The following SLCO1A2 variants were observed in gnomAD, a reference collection of about 807,000 sequenced individuals.
The protein encoded by SLCO1A2 is OATP-1.
In SLCO1A2, 67 loss-of-function variants were observed where a neutral mutation model predicts 69.0. That is an observed-to-expected ratio of 0.97 (90% CI 0.80 to 1.19). The LOEUF (loss-of-function observed/expected upper bound fraction) is 1.19, where lower values mean the gene tolerates loss of function less well. Among genes scored for constraint, SLCO1A2 ranks in the 50% most tolerant of loss-of-function variants. The pLI is 0.00. For synonymous variants in SLCO1A2, 260 were observed against 265.9 expected (o/e 0.98, Z 0.22); for missense variants, 787 against 793.7 (o/e 0.99, Z 0.10).
At chr12:21,387,505 A>G (rs781411089) in intron 1 of SLCO1A2, among the ~76,000 whole-genome samples, 1 of 152,174 alleles carries the variant, frequency 6.6e-6, no homozygotes, top group Non-Finnish European at 1.5e-5. Flanking sequence ...GCTTGGCTTC[A>G]GAGGATGCAA....
At position 21,313,943 on chromosome 12, in the gene SLCO1A2, G is replaced by A. The variant is rs566812212; in HGVS notation, c.335+606C>T. 6.9e-4 allele frequency among the ~76,000 whole-genome samples: 103 copies of A among 148,942 alleles called. 1 individual carries two copies. Among genetic ancestry groups the A allele is most frequent in the Non-Finnish European group, 1.2e-3 (81 of 67,460 alleles). ...CACACCACTGCACTCCAGCCTAGGT[G>A]ACAGAGCAAGACTGTCTCAAAAAAA... On this transcript the variant is annotated intron_variant, in intron 4 of 14. Coordinates refer to ENST00000683939, the MANE Select transcript of SLCO1A2 (RefSeq NM_001386879.1).
chr12:21,307,478 A>C (rs1565488341), intron 4 of SLCO1A2, among the ~76,000 whole-genome samples: 1 of 152,200 alleles, frequency 6.6e-6, no homozygotes, highest in Admixed American at 6.5e-5. Context: ...CGTTTCATAA[A>C]CCCCTAAAAA....
chr12:21,375,331 A>G (rs572523228), intron 1 of SLCO1A2, among the ~76,000 whole-genome samples: 2 of 152,312 alleles, frequency 1.3e-5, no homozygotes, highest in South Asian at 4.1e-4. Context: ...TAAAGGGAGT[A>G]TGATTTGTCA....
chr12:21,358,593 G>C (rs1341850385), intron 2 of SLCO1A2, among the ~76,000 whole-genome samples: 1 of 151,872 alleles, frequency 6.6e-6, no homozygotes, highest in East Asian at 1.9e-4. Flanking sequence ...AGATAATTTT[G>C]TGTCTTATAT....
intron 2 of SLCO1A2, among the ~76,000 whole-genome samples, chr12:21,364,156 C>T (rs1487404171): frequency 6.6e-6 from 1 of 152,232 alleles, no homozygotes; most frequent in Admixed American, 6.5e-5. Context: ...CAATAAAATA[C>T]TGGCAAACCG....
At chr12:21,284,519 A>G (rs1240600306) in intron 12 of SLCO1A2, among the ~76,000 whole-genome samples, 1 of 151,612 alleles carries the variant, frequency 6.6e-6, no homozygotes, top group Non-Finnish European at 1.5e-5. Flanking sequence ...ATAGACATCT[A>G]CAGAATTCTC....
intron 3 of SLCO1A2, among the ~76,000 whole-genome samples, chr12:21,317,498 A>G (rs976837166): frequency 6.6e-6 from 1 of 152,070 alleles, no homozygotes; most frequent in Non-Finnish European, 1.5e-5. Flanking sequence ...CTGTCCCTGT[A>G]AGACCTTGTA....
At chr12:21,350,275 T>A (rs1937830078) in intron 2 of SLCO1A2, among the ~76,000 whole-genome samples, 1 of 151,398 alleles carries the variant, frequency 6.6e-6, no homozygotes, top group Non-Finnish European at 1.5e-5. Flanking sequence ...AAGAAAAAAA[T>A]TGACAAGAGA....
intron 1 of SLCO1A2, among the ~76,000 whole-genome samples, chr12:21,409,960 G>A (rs188963721): frequency 6.6e-6 from 1 of 152,242 alleles, no homozygotes; most frequent in Non-Finnish European, 1.5e-5. Context: ...TTAAAATGTG[G>A]AAAGTAAGCT....
At chr12:21,398,760 C>T (rs1217656476), upstream of SLCO1A2, among the ~76,000 whole-genome samples, 5 of 148,306 alleles carry the variant, frequency 3.4e-5, no homozygotes, top group African/African-American at 1.2e-4. Flanking sequence ...ATAAACAGAG[C>T]CAAAGACAAA....
chr12:21,393,313 C>G (rs1261521369), intron 1 of SLCO1A2, among the ~76,000 whole-genome samples: 4 of 152,106 alleles, frequency 2.6e-5, no homozygotes, highest in Non-Finnish European at 5.9e-5. Flanking sequence ...CAAAAGCAAT[C>G]TAGGTAACAA....
intron 1 of SLCO1A2, among the ~76,000 whole-genome samples, chr12:21,401,570 T>A (rs1172064579): frequency 1.3e-5 from 2 of 151,876 alleles, no homozygotes; most frequent in Admixed American, 6.6e-5. Context: ...ATAATTTTAT[T>A]GAGATACTAA....
chr12:21,287,613 A>C (rs1228899429), intron 12 of SLCO1A2, among the ~76,000 whole-genome samples: 1 of 137,988 alleles, frequency 7.2e-6, no homozygotes, highest in Non-Finnish European at 1.6e-5. Flanking sequence ...AACCAACCCA[A>C]ATGTTCAACA....
chr12:21,283,232 T>C (rs1304080418), intron 12 of SLCO1A2, among the ~76,000 whole-genome samples: 2 of 152,024 alleles, frequency 1.3e-5, no homozygotes, highest in South Asian at 4.1e-4. Context: ...CATAGACCAA[T>C]GGAGCAGAAT....
At chr12:21,380,151 C>A (rs1231121913) in intron 1 of SLCO1A2, among the ~76,000 whole-genome samples, 1 of 151,948 alleles carries the variant, frequency 6.6e-6, no homozygotes, top group Non-Finnish European at 1.5e-5. Context: ...ATAGGTATAA[C>A]AAAATATGTA....
chr12:21,326,777 A>G (rs905286800), intron 2 of SLCO1A2, among the ~76,000 whole-genome samples: 1 of 152,236 alleles, frequency 6.6e-6, no homozygotes, highest in Non-Finnish European at 1.5e-5. Flanking sequence ...TCTTAAGAGC[A>G]TTCAGTTTTA....
At chr12:21,364,364 C>T (rs766957911) in intron 2 of SLCO1A2, among the ~76,000 whole-genome samples, 1 of 152,148 alleles carries the variant, frequency 6.6e-6, no homozygotes, top group Non-Finnish European at 1.5e-5. Context: ...ATGCTGAAAA[C>T]TCTCAATAAA....
upstream of SLCO1A2, among the ~76,000 whole-genome samples, chr12:21,337,647 A>G (rs1565506815): frequency 6.6e-6 from 1 of 151,978 alleles, no homozygotes; most frequent in South Asian, 2.1e-4. Context: ...TCCAGCTGAA[A>G]CAATTTCAAC....
chr12:21,364,880 C>T lies in SLCO1A2; in HGVS notation c.-63+9519G>A, dbSNP rs539420278. 6.6e-5 allele frequency among the ~76,000 whole-genome samples: 10 copies of T among 152,224 alleles called. No homozygotes were observed. The South Asian group carries it at 2.1e-3, about 32-fold the overall frequency. ...CTTCAAGGAGAACTACAAACCACTGCTCAGCAAAATAAAACAGGACACAAA... is the reference window on the plus strand; with the variant it reads ...CTTCAAGGAGAACTACAAACCACTGTTCAGCAAAATAAAACAGGACACAAA... On this transcript the variant is annotated intron_variant, in intron 2 of 15. Transcript: ENST00000307378.
Sources: gnomAD v4.1 joint callset for allele counts (sites outside exome capture counted in the v4.1 genomes callset) on GRCh38, gnomAD v4.1.1 for gene constraint, MANE v1.5 for transcripts, NCBI Gene and HGNC (gene_info 2026-07-23, HGNC 2026-07-21) for gene names.